STPG2: variants seen among roughly 807,000 people sequenced by gnomAD.
STPG2 encodes the protein sperm tail PG-rich repeat containing 2.
A neutral mutation model predicts 54.2 loss-of-function variants in STPG2; 56 were observed. The observed-to-expected ratio is 1.03, with a 90% CI of 0.83 to 1.29. The LOEUF is 1.29. STPG2 is among the 50% of genes most tolerant of loss of function. The pLI, the probability that STPG2 is intolerant of heterozygous loss-of-function variation, is 0.00. For missense variants in STPG2, 596 were observed against 544.9 expected (o/e 1.09, Z -0.93); for synonymous variants, 200 against 181.8 (o/e 1.10, Z -0.81).
intron 10 of STPG2, among the ~76,000 whole-genome samples, chr4:97,592,507 A>G (rs965167290): frequency 2.0e-5 from 3 of 152,152 alleles, no homozygotes; most frequent in African/African-American, 7.2e-5. Context: ...ATTCTAATTA[A>G]ACAAAGTTAA....
At chr4:98,092,240 T>C (rs773070032) in intron 5 of STPG2, among the ~76,000 whole-genome samples, 68 of 152,094 alleles carry the variant, frequency 4.5e-4, no homozygotes, top group Non-Finnish European at 3.4e-4. Flanking sequence ...TTTTCACTTC[T>C]TTAAAATCCA....
Position 97,981,330 on chromosome 4 carries a change from C to G in STPG2, c.613-12G>C, listed in dbSNP as rs1734670369. 6.2e-7 allele frequency: 1 copy of G among 1,612,770 alleles called. No individual in the cohort carries two copies. Among genetic ancestry groups the G allele is most frequent in the Non-Finnish European group, 8.5e-7 (1 of 1,179,520 alleles). ...ATAGGTAAAAATCTCTAGTGAAGAA[C>G]AGGAAAATATGCCAATAAGAAAGTA... is the stretch of plus-strand genomic sequence containing the variant. On this transcript the variant is annotated splice_polypyrimidine_tract_variant and intron_variant, in intron 5 of 10. Coordinates refer to ENST00000295268, the MANE Select transcript of STPG2 (RefSeq NM_174952.3).
At chr4:97,946,234 T>G (rs1733216424) in intron 7 of STPG2, among the ~76,000 whole-genome samples, 3 of 152,162 alleles carry the variant, frequency 2.0e-5, no homozygotes, top group Admixed American at 6.6e-5. Context: ...GCCCACTTTT[T>G]CATGAAACTG....
At chr4:97,898,051 T>C (rs1188541017) in intron 8 of STPG2, among the ~76,000 whole-genome samples, 1 of 152,184 alleles carries the variant, frequency 6.6e-6, no homozygotes, top group Non-Finnish European at 1.5e-5. Context: ...TACATTTAAG[T>C]CTTTAATCCA....
intron 9 of STPG2, among the ~76,000 whole-genome samples, chr4:97,764,066 C>A (rs1393287304): frequency 6.7e-6 from 1 of 150,056 alleles, no homozygotes; most frequent in Admixed American, 6.7e-5. Context: ...CATGGTAGAG[C>A]TTCTGCTTGG....
intron 4 of STPG2, among the ~76,000 whole-genome samples, chr4:97,529,831 C>T (rs2148852407): frequency 6.6e-6 from 1 of 152,224 alleles, no homozygotes; most frequent in South Asian, 2.1e-4. Flanking sequence ...TCTTTCCAGG[C>T]TGTTTCCTTA....
intron 5 of STPG2, among the ~76,000 whole-genome samples, chr4:97,990,118 A>C (rs1419696024): frequency 6.6e-6 from 1 of 152,210 alleles, no homozygotes; most frequent in East Asian, 1.9e-4. Context: ...TTATAAATGA[A>C]TATACTTCAA....
intron 7 of STPG2, among the ~76,000 whole-genome samples, chr4:97,950,297 T>C (rs1335802121): frequency 6.6e-6 from 1 of 152,120 alleles, no homozygotes; most frequent in Non-Finnish European, 1.5e-5. Context: ...TTCATTTCTG[T>C]TCTTTATTCT....
intron 5 of STPG2, among the ~76,000 whole-genome samples, chr4:98,070,555 T>TAG (rs200556254): frequency 0.037 from 5,576 of 152,018 alleles, 164 homozygotes; most frequent in Non-Finnish European, 0.06. Flanking sequence ...GGTATTCAAA[T>TAG]AGAGAGAGAG....
At chr4:97,947,301 T>C (rs189584092) in intron 7 of STPG2, among the ~76,000 whole-genome samples, 1 of 152,248 alleles carries the variant, frequency 6.6e-6, no homozygotes, top group East Asian at 1.9e-4. Flanking sequence ...GTCAACACTT[T>C]TGAGAAATCT....
intron 5 of STPG2, among the ~76,000 whole-genome samples, chr4:98,068,312 C>T (rs1423614813): frequency 6.6e-6 from 1 of 152,092 alleles, no homozygotes; most frequent in East Asian, 1.9e-4. Flanking sequence ...TCTAAAAACC[C>T]TAGAGTATCC....
intron 9 of STPG2, among the ~76,000 whole-genome samples, chr4:97,714,617 A>C (rs1724233537): frequency 6.6e-6 from 1 of 152,190 alleles, no homozygotes; most frequent in African/African-American, 2.4e-5. Context: ...CTTTGGAATA[A>C]TATAATTTAT....
chr4:97,655,677 C>G (rs1345555250), intron 10 of STPG2, among the ~76,000 whole-genome samples: 1 of 152,030 alleles, frequency 6.6e-6, no homozygotes, highest in Non-Finnish European at 1.5e-5. Context: ...CTTGAAAGAG[C>G]TGGCAGAATT....
At chr4:97,692,487 A>C (rs1723403419) in intron 10 of STPG2, among the ~76,000 whole-genome samples, 1 of 152,132 alleles carries the variant, frequency 6.6e-6, no homozygotes, top group African/African-American at 2.4e-5. Flanking sequence ...CCCAATCTGA[A>C]AACAACAAAG....
intron 4 of STPG2, among the ~76,000 whole-genome samples, chr4:97,540,729 T>C (rs112353624): frequency 0.015 from 2,258 of 152,222 alleles, 53 homozygotes; most frequent in African/African-American, 0.052. Flanking sequence ...CACTAAATTC[T>C]GGCAAACTGA....
chr4:97,723,072 A>T (rs957316879), intron 9 of STPG2, among the ~76,000 whole-genome samples: 2 of 150,678 alleles, frequency 1.3e-5, no homozygotes, highest in Non-Finnish European at 2.9e-5. Flanking sequence ...TCGGCCTCCT[A>T]AAGTGCTGGG....
At chr4:97,740,835 C>G (rs1259860070) in intron 9 of STPG2, among the ~76,000 whole-genome samples, 1 of 152,166 alleles carries the variant, frequency 6.6e-6, no homozygotes, top group Admixed American at 6.6e-5. Flanking sequence ...CTACCAATGA[C>G]TTTCTTCACA....
chr4:98,025,316 T>C (rs1235730523), intron 5 of STPG2: 2 of 198,210 alleles, frequency 1.0e-5, no homozygotes, highest in Non-Finnish European at 2.1e-5. Flanking sequence ...AGAAGCTGAC[T>C]AATAAAAGGA....
intron 9 of STPG2, among the ~76,000 whole-genome samples, chr4:97,714,942 G>A (rs1179792735): frequency 6.6e-6 from 1 of 152,082 alleles, no homozygotes; most frequent in Non-Finnish European, 1.5e-5. Flanking sequence ...TCAGGCTACA[G>A]CAACTGATAA....
Sources: gnomAD v4.1 joint callset for allele counts (sites outside exome capture counted in the v4.1 genomes callset) on GRCh38, gnomAD v4.1.1 for gene constraint, MANE v1.5 for transcripts, NCBI Gene and HGNC (gene_info 2026-07-23, HGNC 2026-07-21) for gene names.